The following STK40 variants were observed in gnomAD, a reference collection of about 807,000 sequenced individuals.
The protein encoded by STK40 is serine/threonine kinase 40.
STK40 carries 13 observed loss-of-function variants against 47.9 expected under a neutral mutation model. The ratio of observed to expected loss-of-function variants is 0.27; its 90% CI spans 0.18 to 0.43. The LOEUF is 0.43. Among genes scored for constraint, STK40 ranks in the 20% least tolerant of loss-of-function variants. The pLI, the probability that STK40 is intolerant of heterozygous loss-of-function variation, is 1.00. For missense variants in STK40, 460 were observed against 595.1 expected (o/e 0.77, Z 2.36); for synonymous variants, 225 against 243.2 (o/e 0.93, Z 0.69).
At chr1:36,343,832 G>A in intron 9 of STK40, 28 bp downstream of exon 9, 1 of 1,555,322 alleles carries the variant, frequency 6.4e-7, no homozygotes, top group Non-Finnish European at 8.7e-7. Flanking sequence ...ACGCAGCCTT[G>A]TGCCCGGTCA....
intron 1 of STK40, among the ~76,000 whole-genome samples, chr1:36,375,442 G>A (rs761931754): frequency 2.0e-5 from 3 of 151,886 alleles, no homozygotes; most frequent in Non-Finnish European, 4.4e-5. Flanking sequence ...AGGAGGTGGA[G>A]GCTGCAGTGA....
chr1:36,358,108 C>T, intron 4 of STK40, 131 bp downstream of exon 4: 1 of 1,176,098 alleles, frequency 8.5e-7, no homozygotes, highest in Admixed American at 3.1e-5. Context: ...CCCTGGAAGT[C>T]CTGATGTACC....
At chr1:36,367,563 C>T (rs1003415977) in intron 1 of STK40, among the ~76,000 whole-genome samples, 1 of 152,196 alleles carries the variant, frequency 6.6e-6, no homozygotes, top group Non-Finnish European at 1.5e-5. Flanking sequence ...TGAAGATGCC[C>T]GGAGTCCAGT....
At chr1:36,363,228 G>C (rs905548168) in intron 1 of STK40, among the ~76,000 whole-genome samples, 1 of 152,086 alleles carries the variant, frequency 6.6e-6, no homozygotes, top group Non-Finnish European at 1.5e-5. Flanking sequence ...GCTTGAACTG[G>C]GGAGGCGGAG....
chr1:36,360,017 C>T (rs914629992), intron 2 of STK40, among the ~76,000 whole-genome samples: 1 of 152,206 alleles, frequency 6.6e-6, no homozygotes, highest in Non-Finnish European at 1.5e-5. Flanking sequence ...CCTGCCCTAC[C>T]TACGGGCCCT....
chr1:36,350,780 TTCAAC>T (rs757368525), intron 6 of STK40, among the ~76,000 whole-genome samples: 5 of 152,156 alleles, frequency 3.3e-5, no homozygotes, highest in Non-Finnish European at 5.9e-5. Context: ...TGGCTGAGCT[TTCAAC>T]TCAACACTGC....
At chr1:36,352,431 A>G (rs1198861030) in intron 6 of STK40, among the ~76,000 whole-genome samples, 1 of 152,144 alleles carries the variant, frequency 6.6e-6, no homozygotes, top group African/African-American at 2.4e-5. Context: ...AAGCTCAGAG[A>G]AGTGCTTGGT....
At chr1:36,377,283 C>T (rs943125230) in intron 1 of STK40, among the ~76,000 whole-genome samples, 17 of 151,736 alleles carry the variant, frequency 1.1e-4, no homozygotes, top group Admixed American at 6.6e-4. Flanking sequence ...CGCCTGTAAT[C>T]CCAGCACTTT....
chr1:36,348,560 G>T, intron 7 of STK40, 140 bp downstream of exon 7: 1 of 677,266 alleles, frequency 1.5e-6, no homozygotes, highest in Non-Finnish European at 2.6e-6. Context: ...CATTTTGTAT[G>T]GGGAGGGACA....
rs1646644565 is a variant in STK40, at chr1:36,341,280, A to G, written c.*475T>C. ...AGGGGCCTGGATCAGAAAGAGAGGGACGGAAAGAGGCTGTGGCAGGGGCCT... is the reference window on the plus strand; with the variant it reads ...AGGGGCCTGGATCAGAAAGAGAGGGGCGGAAAGAGGCTGTGGCAGGGGCCT... On this transcript the variant is annotated 3_prime_UTR_variant, in exon 11 of 11. Transcript: ENST00000373132. 6.3e-6 allele frequency: 1 copy of G among 158,534 alleles called. No individual in the cohort carries two copies. Among genetic ancestry groups the G allele is most frequent in the East Asian group, 1.9e-4 (1 of 5,314 alleles). 9.8% of individuals were successfully genotyped at this position (158,534 alleles called of 1,614,324 possible). A position where few individuals can be genotyped will look rare whatever the true frequency, so the allele number is the denominator to read the frequency against.
chr1:36,347,179 C>G (rs1646710823), intron 7 of STK40, among the ~76,000 whole-genome samples: 1 of 152,174 alleles, frequency 6.6e-6, no homozygotes, highest in Non-Finnish European at 1.5e-5. Flanking sequence ...CAGCAGCCTG[C>G]TCACCAGGAT....
At chr1:36,357,166 A>G (rs114861696) in intron 4 of STK40, among the ~76,000 whole-genome samples, 1 of 152,146 alleles carries the variant, frequency 6.6e-6, no homozygotes. Context: ...CCAACCACCA[A>G]TGGAGGTAGG....
intron 1 of STK40, among the ~76,000 whole-genome samples, chr1:36,376,692 C>T (rs1646995135): frequency 6.6e-6 from 1 of 152,116 alleles, no homozygotes; most frequent in Admixed American, 6.6e-5. Context: ...ATAAAGATGT[C>T]TATGTTACCA....
intron 2 of STK40, among the ~76,000 whole-genome samples, chr1:36,360,076 G>A (rs1174608443): frequency 1.3e-5 from 2 of 152,150 alleles, no homozygotes; most frequent in Non-Finnish European, 2.9e-5. Context: ...TTGCACCACC[G>A]GTGATGACTG....
At position 36,351,616 on chromosome 1, in the gene STK40, C is replaced by A. The variant is rs369015103; in HGVS notation, c.623+2748G>T. 1.6e-4 allele frequency among the ~76,000 whole-genome samples: 24 copies of A among 152,350 alleles called. 1 individual carries two copies. The East Asian group carries it at 4.4e-3, about 28-fold the overall frequency. ...TCAGATTCAGGAAGTACAACCAGGA[C>A]ACTGGGTATGAGTGAGGCATTGGCA... On this transcript the variant is annotated intron_variant, in intron 6 of 10. Transcript: ENST00000373132.
intron 10 of STK40, 185 bp from the exon 11 acceptor site, chr1:36,342,158 G>A: frequency 1.6e-6 from 1 of 615,292 alleles, no homozygotes. Context: ...ACCCCCTCCA[G>A]CCAACCTCAA....
chr1:36,361,413 C>A, intron 1 of STK40, 73 bp from the exon 2 acceptor site: 1 of 1,595,204 alleles, frequency 6.3e-7, no homozygotes, highest in Non-Finnish European at 8.5e-7. Flanking sequence ...AGCCTGCAGG[C>A]CTTTGACTTG....
At chr1:36,367,395 A>G (rs968350339) in intron 1 of STK40, among the ~76,000 whole-genome samples, 2 of 152,212 alleles carry the variant, frequency 1.3e-5, no homozygotes, top group Non-Finnish European at 2.9e-5. Context: ...CCTGTGGGAC[A>G]GCTCCCACTG....
rs577376591 is a variant in STK40 at position 36,370,400 on chromosome 1, G to A, written c.-8-9060C>T. ...CTCCAGGCCACTCCAGGTTTGTGGT[G>A]TGAAAGTCCTTCTGCTGGTCAGAAA... On this transcript the variant is annotated intron_variant, in intron 1 of 10. Coordinates refer to ENST00000373132, the MANE Select transcript of STK40 (RefSeq NM_001282547.2). Among the ~76,000 whole-genome samples, 11 of 152,332 alleles carry A rather than the reference G, an allele frequency of 7.2e-5. No individual in the cohort carries two copies. In the South Asian group the frequency reaches 2.3e-3, roughly 32 times the overall value.
Sources: gnomAD v4.1 joint callset for allele counts (sites outside exome capture counted in the v4.1 genomes callset) on GRCh38, gnomAD v4.1.1 for gene constraint, MANE v1.5 for transcripts, NCBI Gene and HGNC (gene_info 2026-07-23, HGNC 2026-07-21) for gene names.